The following ME2 variants were observed in gnomAD, a reference collection of about 807,000 sequenced individuals.
ME2 encodes the protein NAD-dependent malic enzyme, mitochondrial.
A neutral mutation model predicts 73.7 loss-of-function variants in ME2; 60 were observed. That is an observed-to-expected ratio of 0.81 (90% CI 0.66 to 1.01). The LOEUF (loss-of-function observed/expected upper bound fraction) is 1.01. Ranked by LOEUF, ME2 falls within the 50% of genes least tolerant of loss-of-function variation. The pLI is 0.00. For missense variants in ME2, 594 were observed against 705.5 expected, an observed-to-expected ratio of 0.84 and a Z score of 1.79; for synonymous variants, 199 against 236.9, an observed-to-expected ratio of 0.84 and a Z score of 1.47.
chr18:50,927,475 C>A (rs564085186), intron 12 of ME2, among the ~76,000 whole-genome samples: 1 of 151,774 alleles, frequency 6.6e-6, no homozygotes, highest in African/African-American at 2.4e-5. Context: ...CTGAGGTGGG[C>A]AGATCACGAG....
rs151201307 is a variant in ME2, at chr18:50,925,858, A to C, written c.1274A>C (p.Gln425Pro). The change falls in exon 12 of 16, where the codon CAG becomes CCG. Residue 425 changes from glutamine to proline, a missense_variant. Coordinates refer to ENST00000321341, the MANE Select transcript of ME2 (RefSeq NM_002396.5). ...TTTGCATTAAGTAATCCTACAGCAC[A>C]GGCAGAGTGCACGGCTGAAGAAGCA... ...VIFALSNPTA[Q>P]AECTAEEAYT... 2 of 1,611,186 alleles carry C rather than the reference A, an allele frequency of 1.2e-6. No homozygotes were observed. Among genetic ancestry groups the C allele is most frequent in the African/African-American group, 1.3e-5 (1 of 74,996 alleles).
intron 5 of ME2, chr18:50,916,733 T>C (rs1917293872): frequency 6.6e-6 from 1 of 152,250 alleles, no homozygotes; most frequent in African/African-American, 2.4e-5. Flanking sequence ...TAATAACTTA[T>C]TTCAAGATCT....
At chr18:50,933,755 C>T (rs1490399986) in intron 13 of ME2, 2 of 151,466 alleles carry the variant, frequency 1.3e-5, no homozygotes, top group African/African-American at 4.9e-5. Flanking sequence ...TAGATTATTT[C>T]ATCACCCGGC....
At chr18:50,937,088 G>A (rs533773703) in intron 13 of ME2, among the ~76,000 whole-genome samples, 21 of 151,890 alleles carry the variant, frequency 1.4e-4, no homozygotes, top group African/African-American at 5.1e-4. Flanking sequence ...AAGAGGAAAA[G>A]GAACATAGGC....
At chr18:50,889,136 A>G (rs1005555659) in intron 1 of ME2, among the ~76,000 whole-genome samples, 1 of 152,120 alleles carries the variant, frequency 6.6e-6, no homozygotes, top group Non-Finnish European at 1.5e-5. Context: ...ATTTTTATCC[A>G]TTAATTCCCT....
At chr18:50,936,941 T>G (rs1335118280) in intron 13 of ME2, among the ~76,000 whole-genome samples, 4 of 152,032 alleles carry the variant, frequency 2.6e-5, no homozygotes, top group Non-Finnish European at 5.9e-5. Flanking sequence ...AAAAAAAAAT[T>G]TAATGTAGAA....
At chr18:50,940,162 C>A in intron 14 of ME2, 126 bp from the exon 15 acceptor site, 3 of 705,878 alleles carry the variant, frequency 4.3e-6, no homozygotes, top group East Asian at 2.6e-5. Flanking sequence ...TAAGTGTATT[C>A]CTTCAAGAAA....
At chr18:50,913,626 A>G (rs1439291138) in intron 4 of ME2, among the ~76,000 whole-genome samples, 1 of 151,888 alleles carries the variant, frequency 6.6e-6, no homozygotes, top group Non-Finnish European at 1.5e-5. Flanking sequence ...GAGCCACTGC[A>G]TCTGGCCTGT....
intron 15 of ME2, among the ~76,000 whole-genome samples, chr18:50,945,885 G>A (rs781402205): frequency 1.3e-5 from 2 of 152,074 alleles, no homozygotes; most frequent in Non-Finnish European, 2.9e-5. Flanking sequence ...TAGCCAACAT[G>A]GCAAAACCCC....
intron 5 of ME2, chr18:50,916,959 T>G (rs2144231494): frequency 6.5e-6 from 1 of 153,874 alleles, no homozygotes; most frequent in Non-Finnish European, 1.4e-5. Flanking sequence ...AGGTTTTTTT[T>G]GTTTGGCCTA....
chr18:50,898,595 C>T (rs967438786), intron 2 of ME2, among the ~76,000 whole-genome samples: 6 of 152,208 alleles, frequency 3.9e-5, no homozygotes, highest in Admixed American at 2.6e-4. Context: ...CTACACCTGG[C>T]TACTTTTTGT....
At chr18:50,914,158 C>T (rs1047699337) in intron 4 of ME2, among the ~76,000 whole-genome samples, 3 of 152,110 alleles carry the variant, frequency 2.0e-5, no homozygotes, top group African/African-American at 4.8e-5. Flanking sequence ...TCTGGAGGTC[C>T]GGATTTTAGT....
At chr18:50,880,295 T>G (rs1916286822) in intron 1 of ME2, among the ~76,000 whole-genome samples, 1 of 152,098 alleles carries the variant, frequency 6.6e-6, no homozygotes. Flanking sequence ...AAGACCACAG[T>G]TTTAACGTGA....
chr18:50,879,733 G>A lies in ME2; in HGVS notation c.-13+425G>A, dbSNP rs534034861. Among the ~76,000 whole-genome samples the A allele has an allele frequency of 3.3e-5, 5 of 152,362 alleles. No homozygotes were observed. The East Asian group carries it at 9.7e-4, about 29-fold the overall frequency. On this transcript the variant is annotated intron_variant, in intron 1 of 15. Coordinates refer to ENST00000321341, the MANE Select transcript of ME2 (RefSeq NM_002396.5). ...TATCTCCTTTATTCAGTCGGGCCGA[G>A]TTAACGGCAGGAGTTAGGCTGTGTG... is the stretch of plus-strand genomic sequence containing the variant.
At chr18:50,927,316 A>AT (rs1429999281) in intron 12 of ME2, among the ~76,000 whole-genome samples, 1 of 152,094 alleles carries the variant, frequency 6.6e-6, no homozygotes, top group Admixed American at 6.6e-5. Context: ...AATCTGATAC[A>AT]TTTTTTTAAT....
rs962886680 is a variant in ME2 at position 50,907,991 on chromosome 18, A to G, written c.109-72A>G. 9 of 1,156,910 alleles carry G rather than the reference A, an allele frequency of 7.8e-6. No individual in the cohort carries two copies. The African/African-American group carries it at 1.3e-4, about 16-fold the overall frequency. The allele number at this position is 1,156,910 out of a possible 1,614,324, so 71.7% of individuals were successfully genotyped here. ...GATTTTTCAAATTTGCATTTAAATT[A>G]TATTTTGAAGAACAATGTCATTGCT... On this transcript the variant is annotated intron_variant, in intron 2 of 15. Coordinates refer to ENST00000321341, the MANE Select transcript of ME2 (RefSeq NM_002396.5).
At chr18:50,888,206 A>G (rs1194775273) in intron 1 of ME2, among the ~76,000 whole-genome samples, 1 of 152,136 alleles carries the variant, frequency 6.6e-6, no homozygotes, top group Admixed American at 6.5e-5. Context: ...TTAGCTGGGC[A>G]TGATGGCACA....
At chr18:50,909,368 G>A (rs778083050) in intron 3 of ME2, among the ~76,000 whole-genome samples, 29 of 152,174 alleles carry the variant, frequency 1.9e-4, no homozygotes, top group Non-Finnish European at 4.3e-4. Context: ...AGACCACAAT[G>A]TACAGTACAA....
chr18:50,906,049 G>T (rs947116699), intron 2 of ME2, among the ~76,000 whole-genome samples: 1 of 152,092 alleles, frequency 6.6e-6, no homozygotes, highest in Non-Finnish European at 1.5e-5. Flanking sequence ...TTTGTTGGTA[G>T]TCTCAATTTG....
Sources: gnomAD v4.1 joint callset for allele counts (sites outside exome capture counted in the v4.1 genomes callset) on GRCh38, gnomAD v4.1.1 for gene constraint, MANE v1.5 for transcripts, NCBI Gene and HGNC (gene_info 2026-07-23, HGNC 2026-07-21) for gene names.